CBX3: variants seen among roughly 807,000 people sequenced by gnomAD.
The protein encoded by CBX3 is chromobox protein homolog 3.
In CBX3, 5 loss-of-function variants were observed where a neutral mutation model predicts 22.6. That is an observed-to-expected ratio of 0.22 (90% CI 0.12 to 0.47). CBX3 has a LOEUF of 0.47. Ranked by LOEUF, CBX3 falls within the 20% of genes least tolerant of loss-of-function variation. The probability of loss-of-function intolerance (pLI) is 0.99; values close to 1 mark genes in which losing one functional copy is unlikely to be tolerated. For missense variants in CBX3, 83 were observed against 208.1 expected, an observed-to-expected ratio of 0.40 and a Z score of 3.70; for synonymous variants, 50 against 66.6, an observed-to-expected ratio of 0.75 and a Z score of 1.21.
Position 26,213,071 on chromosome 7 carries a change from T to G in CBX3, c.*863T>G, listed in dbSNP as rs1455191451. On this transcript the variant is annotated 3_prime_UTR_variant, in exon 6 of 6. Coordinates refer to ENST00000396386, the MANE Select transcript of CBX3 (RefSeq NM_016587.4). The stretch of plus-strand genomic sequence containing the variant: ...CATGATGAATGGAATATGTAAGACT[T>G]GGCTCATAGAAACCTAATCAGATGG... 1 of 152,364 alleles carries G rather than the reference T, an allele frequency of 6.6e-6. No individual in the cohort carries two copies. The highest frequency in any genetic ancestry group is 2.4e-5 in the African/African-American group (1 of 41,480). 9.4% of individuals were successfully genotyped at this position (152,364 alleles called of 1,614,324 possible).
chr7:26,203,970 GTA>G (rs1784613541), intron 2 of CBX3, among the ~76,000 whole-genome samples: 1 of 152,160 alleles, frequency 6.6e-6, no homozygotes, highest in African/African-American at 2.4e-5. Context: ...GTCTGTTATT[GTA>G]TTTAGTTTAT....
At chr7:26,206,272 ATG>A in intron 2 of CBX3, 94 bp from the exon 3 acceptor site, 1 of 761,484 alleles carries the variant, frequency 1.3e-6, no homozygotes, top group South Asian at 1.9e-5. Context: ...GTAAAAATTT[ATG>A]TCGAATGTGA....
At chr7:26,208,354 A>C in intron 3 of CBX3, 39 bp from the exon 4 acceptor site, 1 of 1,479,554 alleles carries the variant, frequency 6.8e-7, no homozygotes, top group South Asian at 1.2e-5. Context: ...ATCATATTTA[A>C]TTCAATCACC....
chr7:26,201,634 C>T (rs963323030), upstream of CBX3: 7 of 148,246 alleles, frequency 4.7e-5, no homozygotes, highest in African/African-American at 1.7e-4. Flanking sequence ...GGCGCGCGGC[C>T]CCTCCCCCCG....
chr7:26,203,295 TACAC>T lies in CBX3; in HGVS notation c.24+277_24+280del, dbSNP rs537093787. On this transcript the variant is annotated intron_variant, in intron 2 of 5. Coordinates refer to ENST00000396386, the MANE Select transcript of CBX3 (RefSeq NM_016587.4). ...GAGGATTTTTATCTTCAAATAGAAA[TACAC>T]ACATTTTTGCAGCGTTGAAAAATGT... Among the ~76,000 whole-genome samples the T allele has an allele frequency of 4.3e-3, 660 of 152,298 alleles. 7 individuals are homozygous for T. Among genetic ancestry groups the T allele is most frequent in the African/African-American group, 0.015 (619 of 41,580 alleles).
chr7:26,207,238 C>T (rs1429438885), intron 3 of CBX3, among the ~76,000 whole-genome samples: 2 of 152,172 alleles, frequency 1.3e-5, no homozygotes, highest in East Asian at 3.9e-4. Flanking sequence ...TCTGTTATCT[C>T]CTACTTCCCC....
At chr7:26,209,223 C>CT (rs1011399582) in intron 4 of CBX3, among the ~76,000 whole-genome samples, 41 of 152,064 alleles carry the variant, frequency 2.7e-4, no homozygotes, top group African/African-American at 9.7e-4. Context: ...TGACGACTTG[C>CT]TTTTTTAAAA....
chr7:26,202,776 C>A, intron 1 of CBX3, 195 bp from the exon 2 acceptor site: 2 of 550,084 alleles, frequency 3.6e-6, no homozygotes. Flanking sequence ...TAAAGTCTTT[C>A]TAGACTCACA....
intron 4 of CBX3, among the ~76,000 whole-genome samples, chr7:26,211,004 G>C (rs1008288535): frequency 2.7e-5 from 4 of 150,488 alleles, no homozygotes; most frequent in African/African-American, 7.4e-5. Context: ...TCTTTTGGCA[G>C]CCCTGGGCCA....
In CBX3 at chr7:26,211,640, T is replaced by C. The variant is rs1425696550; in HGVS notation, c.331-22T>C. Reference sequence around the variant, plus strand: ...AATTTAATACTCTGAGTTTGCTGTATGAAAAAATGTCTTCTAAACAGGCTG... The same window carrying C: ...AATTTAATACTCTGAGTTTGCTGTACGAAAAAATGTCTTCTAAACAGGCTG... On this transcript the variant is annotated intron_variant, in intron 4 of 5. Coordinates refer to ENST00000396386, the MANE Select transcript of CBX3 (RefSeq NM_016587.4). The C allele has an allele frequency of 2.0e-6, 3 of 1,513,724 alleles. No homozygotes were observed. In the Admixed American group the frequency reaches 5.7e-5, roughly 29 times the overall value. 93.8% of individuals were successfully genotyped at this position (1,513,724 alleles called of 1,614,324 possible). A position where few individuals can be genotyped will look rare whatever the true frequency, so the allele number is the denominator to read the frequency against.
chr7:26,208,572 G>A lies in CBX3; in HGVS notation c.330+17G>A. ...AGAGATGCTGTAAGTATAAAATATTGCCCACCAGCTTGTCCTTTTGTAAAA... is the reference window on the plus strand; with the variant it reads ...AGAGATGCTGTAAGTATAAAATATTACCCACCAGCTTGTCCTTTTGTAAAA... On this transcript the variant is annotated intron_variant, in intron 4 of 5. Transcript: ENST00000396386. 6.3e-7 allele frequency: 1 copy of A among 1,576,416 alleles called. No homozygotes were observed. Among genetic ancestry groups the A allele is most frequent in the Non-Finnish European group, 8.6e-7 (1 of 1,157,122 alleles).
At chr7:26,204,249 C>T (rs1784623502) in intron 2 of CBX3, among the ~76,000 whole-genome samples, 2 of 151,166 alleles carry the variant, frequency 1.3e-5, no homozygotes, top group South Asian at 2.1e-4. Flanking sequence ...TTTTGTAAAC[C>T]TTAGTGTGTA....
chr7:26,210,628 A>C (rs533542924), intron 4 of CBX3: 2 of 152,234 alleles, frequency 1.3e-5, no homozygotes, highest in African/African-American at 4.8e-5. Context: ...TTTATACTCT[A>C]AAAAAATTAT....
chr7:26,211,279 C>G (rs1562748887), intron 4 of CBX3, among the ~76,000 whole-genome samples: 1 of 152,042 alleles, frequency 6.6e-6, no homozygotes, highest in Non-Finnish European at 1.5e-5. Flanking sequence ...TTTGTTTATG[C>G]TTTTAAAATG....
chr7:26,202,925 T>G, intron 1 of CBX3, 46 bp from the exon 2 acceptor site: 1 of 1,223,952 alleles, frequency 8.2e-7, no homozygotes, highest in Non-Finnish European at 1.2e-6. Context: ...TTAGTTACCT[T>G]TTTTGTGTCA....
At position 26,209,527 on chromosome 7, in the gene CBX3, T is replaced by A. The variant is rs138775659; in HGVS notation, c.330+972T>A. Among the ~76,000 whole-genome samples the A allele has an allele frequency of 9.9e-5, 15 of 152,276 alleles. No homozygotes were observed. In the East Asian group the frequency reaches 2.5e-3, roughly 25 times the overall value. On this transcript the variant is annotated intron_variant, in intron 4 of 5. Coordinates refer to ENST00000396386, the MANE Select transcript of CBX3 (RefSeq NM_016587.4). Reference sequence around the variant, plus strand: ...AATAGAACTTTCTGATTATAGTCCATCAATGGCATTGACCACCGAAAAGTA... The same window carrying A: ...AATAGAACTTTCTGATTATAGTCCAACAATGGCATTGACCACCGAAAAGTA...
chr7:26,208,337 G>C (rs1784727102), intron 3 of CBX3, 56 bp from the exon 4 acceptor site: 3 of 1,377,072 alleles, frequency 2.2e-6, no homozygotes, highest in African/African-American at 2.9e-5. Context: ...CTGGATAATG[G>C]TGATGAATCA....
At chr7:26,204,194 ATAG>A (rs905263311) in intron 2 of CBX3, among the ~76,000 whole-genome samples, 9 of 152,152 alleles carry the variant, frequency 5.9e-5, no homozygotes, top group African/African-American at 2.2e-4. Context: ...TATGAATGCC[ATAG>A]TAGTGAATGA....
chr7:26,201,530 C>CT (rs1784434134), upstream of CBX3: 1 of 151,842 alleles, frequency 6.6e-6, no homozygotes, highest in Admixed American at 6.6e-5. Flanking sequence ...CTTCCCTCCC[C>CT]TTGGGGACCA....
Sources: allele counts gnomAD v4.1 joint callset (sites outside exome capture counted in the v4.1 genomes callset), GRCh38; gene constraint gnomAD v4.1.1; transcripts MANE v1.5; gene names NCBI Gene and HGNC (gene_info 2026-07-23, HGNC 2026-07-21).